The following TRIM14 variants were observed in gnomAD, a reference collection of about 807,000 sequenced individuals.
TRIM14 encodes tripartite motif-containing protein 14.
A neutral mutation model predicts 44.5 loss-of-function variants in TRIM14; 28 were observed. The ratio of observed to expected loss-of-function variants is 0.63; its 90% CI spans 0.47 to 0.86. The LOEUF is 0.86. Ranked by LOEUF, TRIM14 falls within the 40% of genes least tolerant of loss-of-function variation. The pLI, the probability that TRIM14 is intolerant of heterozygous loss-of-function variation, is 0.00. For missense variants in TRIM14, 607 were observed against 611.1 expected (o/e 0.99, Z 0.07); for synonymous variants, 299 against 269.2 (o/e 1.11, Z -1.08).
rs564627706 is a variant in TRIM14, at chr9:98,113,336, T to C, written c.208-3352A>G. ...AAGCTGACTGAAATTGGATGATAGATAATATACTAACACCTAAGTAATTTT... is the reference window on the plus strand; with the variant it reads ...AAGCTGACTGAAATTGGATGATAGACAATATACTAACACCTAAGTAATTTT... On this transcript the variant is annotated intron_variant, in intron 1 of 5. Transcript: ENST00000341469. Among the ~76,000 whole-genome samples, 6 of 152,190 alleles carry C rather than the reference T, an allele frequency of 3.9e-5. No homozygotes were observed. The East Asian group carries it at 1.2e-3, about 29-fold the overall frequency.
chr9:98,038,029 G>T, the TRIM14 span, among the ~76,000 whole-genome samples: 1 of 151,778 alleles, frequency 6.6e-6, no homozygotes, highest in South Asian at 2.1e-4. Context: ...CAGTGCACCC[G>T]GCTCTTATTT....
the TRIM14 span, among the ~76,000 whole-genome samples, chr9:98,063,487 C>T: frequency 6.6e-6 from 1 of 152,176 alleles, no homozygotes; most frequent in African/African-American, 2.4e-5. Context: ...GGTTATCCAT[C>T]TGCCTCAGCC....
intron 2 of TRIM14, among the ~76,000 whole-genome samples, chr9:98,102,141 C>A (rs147787227): frequency 3.9e-5 from 6 of 152,192 alleles, no homozygotes; most frequent in African/African-American, 1.4e-4. Context: ...AGCACTCAAG[C>A]ATCCTGTTAC....
chr9:98,047,936 A>G, the TRIM14 span, among the ~76,000 whole-genome samples: 1 of 152,000 alleles, frequency 6.6e-6, no homozygotes, highest in African/African-American at 2.4e-5. Context: ...GTGGTGGCAC[A>G]TGCCTGTAGT....
chr9:98,057,469 C>G, the TRIM14 span, among the ~76,000 whole-genome samples: 1 of 152,220 alleles, frequency 6.6e-6, no homozygotes, highest in African/African-American at 2.4e-5. Flanking sequence ...GAGTTCAAAT[C>G]TCAGTTCCAC....
At chr9:98,044,915 C>G in the TRIM14 span, among the ~76,000 whole-genome samples, 2 of 152,006 alleles carry the variant, frequency 1.3e-5, no homozygotes, top group Non-Finnish European at 2.9e-5. Flanking sequence ...GAGTTTGAGA[C>G]CACCCTGTGC....
chr9:98,060,512 T>C, the TRIM14 span, among the ~76,000 whole-genome samples: 1 of 152,110 alleles, frequency 6.6e-6, no homozygotes, highest in Non-Finnish European at 1.5e-5. Flanking sequence ...TTACTAAAAA[T>C]AACAAAAATT....
chr9:98,110,075 A>G, intron 1 of TRIM14, 91 bp from the exon 2 acceptor site: 3 of 959,678 alleles, frequency 3.1e-6, no homozygotes, highest in African/African-American at 1.6e-5. Context: ...TTACCCTTGT[A>G]TTCTTTTCCA....
At chr9:98,044,918 C>A in the TRIM14 span, among the ~76,000 whole-genome samples, 26 of 152,112 alleles carry the variant, frequency 1.7e-4, no homozygotes, top group African/African-American at 5.8e-4. Flanking sequence ...TTTGAGACCA[C>A]CCTGTGCAAC....
the TRIM14 span, among the ~76,000 whole-genome samples, chr9:98,049,800 CAGA>C: frequency 1.3e-5 from 2 of 152,104 alleles, no homozygotes; most frequent in Non-Finnish European, 2.9e-5. Flanking sequence ...GAATGCAGCT[CAGA>C]AGGTTTCAGC....
the TRIM14 span, among the ~76,000 whole-genome samples, chr9:98,044,745 C>G: frequency 6.6e-6 from 1 of 152,100 alleles, no homozygotes; most frequent in South Asian, 2.1e-4. Flanking sequence ...AGTTCAGTTC[C>G]TCACTTAAAT....
chr9:98,081,036 C>T (rs1296085113), downstream of TRIM14: 1 of 1,614,116 alleles, frequency 6.2e-7, no homozygotes. Context: ...GCCCTGGGCT[C>T]CCCAACCAAG....
chr9:98,095,181 CAGAGCCCTGGAGAGACCATACGGCA>C lies in TRIM14; in HGVS notation c.538-177_538-153del. 9.9e-7 allele frequency: 1 copy of C among 1,015,160 alleles called. No homozygotes were observed. The highest frequency in any genetic ancestry group is 1.7e-5 in the South Asian group (1 of 59,256). The allele number at this position is 1,015,160 out of a possible 1,614,324, so 62.9% of individuals were successfully genotyped here. A position where few individuals can be genotyped will look rare whatever the true frequency, so the allele number is the denominator to read the frequency against. The stretch of plus-strand genomic sequence containing the variant: ...TCAGCCCAGGCCATGCCTGCAGGAG[CAGAGCCCTGGAGAGACCATACGGCA>C]TCCCTGAGGTGGGAGCCATGCGGAG... On this transcript the variant is annotated intron_variant, in intron 3 of 5. Coordinates refer to ENST00000341469, the MANE Select transcript of TRIM14 (RefSeq NM_014788.4). This position sits in a 1 kb window ranked among gnomAD's most constrained non-coding sequence, Gnocchi z 4.1.
chr9:98,055,898 C>T, the TRIM14 span, among the ~76,000 whole-genome samples: 1 of 151,922 alleles, frequency 6.6e-6, no homozygotes, highest in African/African-American at 2.4e-5. Context: ...CCACCACGCC[C>T]GGCTAATTTT....
chr9:98,084,729 G>C lies in TRIM14; in HGVS notation c.*2741C>G, dbSNP rs1364301868. The C allele has an allele frequency of 6.6e-6, 1 of 152,186 alleles. No individual in the cohort carries two copies. The highest frequency in any genetic ancestry group is 1.5e-5 in the Non-Finnish European group (1 of 68,084). The allele number at this position is 152,186 out of a possible 1,614,324, so 9.4% of individuals were successfully genotyped here. On this transcript the variant is annotated 3_prime_UTR_variant, in exon 6 of 6. Coordinates refer to ENST00000341469, the MANE Select transcript of TRIM14 (RefSeq NM_014788.4). Reference sequence around the variant, plus strand: ...TCTGTCCCCAGGCTGGAGTGCAGTGGTGCAATCTCAGCTCACTGCAATCTC... The same window carrying C: ...TCTGTCCCCAGGCTGGAGTGCAGTGCTGCAATCTCAGCTCACTGCAATCTC...
At chr9:98,078,049 T>C in intron 6 of TRIM14, 5 of 1,242,034 alleles carry the variant, frequency 4.0e-6, no homozygotes, top group Middle Eastern at 2.4e-4. Context: ...AGCTCCTCTC[T>C]GTTCCCCCAC....
At chr9:98,109,020 G>A (rs934225629) in intron 2 of TRIM14, among the ~76,000 whole-genome samples, 1 of 151,842 alleles carries the variant, frequency 6.6e-6, no homozygotes, top group Non-Finnish European at 1.5e-5. Context: ...TGGGACTGCA[G>A]GCGTGCACCA....
rs759168247 is a variant in TRIM14 at position 98,119,061 on chromosome 9, A to T, written c.128T>A (p.Val43Glu). 9 of 1,581,636 alleles carry T rather than the reference A, an allele frequency of 5.7e-6. No individual in the cohort carries two copies. Among genetic ancestry groups the T allele is most frequent in the Non-Finnish European group, 7.7e-6 (9 of 1,173,704 alleles). ...GCCCAGCACCGGGCAAAGCGCGCAC[A>T]CGCAGCGGCGGCAGCGGCGACAGAA... ...ELFCRRCRRC[V>E]CALCPVLGAH... is the part of the protein sequence containing the mutation. The change falls in exon 1 of 6, where the codon GTG (valine) becomes GAG (glutamate). Residue 43 changes from valine (V) to glutamate (E), a missense_variant. Coordinates refer to ENST00000341469, the MANE Select transcript of TRIM14 (RefSeq NM_014788.4).
At chr9:98,081,949 T>C (rs1829884789), downstream of TRIM14, 1 of 152,244 alleles carries the variant, frequency 6.6e-6, no homozygotes, top group Admixed American at 6.5e-5. Flanking sequence ...TTATAACAGC[T>C]GAGCACTTAA....
Sources: allele counts gnomAD v4.1 joint callset (sites outside exome capture counted in the v4.1 genomes callset), GRCh38; gene constraint gnomAD v4.1.1; non-coding constraint Gnocchi (gnomAD v3.1); transcripts MANE v1.5; gene names NCBI Gene and HGNC (gene_info 2026-07-23, HGNC 2026-07-21).